The following HSPA12A variants were observed in gnomAD, a reference collection of about 807,000 sequenced individuals.
HSPA12A encodes the protein heat shock 70 kDa protein 12A.
Under a neutral mutation model 69.2 loss-of-function variants are expected in HSPA12A, and 28 were observed. The observed-to-expected ratio is 0.40, with a 90% CI of 0.30 to 0.55. The LOEUF is 0.55. Among genes scored for constraint, HSPA12A ranks in the 20% least tolerant of loss-of-function variants. HSPA12A has a pLI of 0.38. For synonymous variants in HSPA12A, 345 were observed against 370.5 expected, an observed-to-expected ratio of 0.93 and a Z score of 0.79; for missense variants, 686 against 900.7, an observed-to-expected ratio of 0.76 and a Z score of 3.05.
chr10:116,695,875 C>T (rs1435468851), intron 5 of HSPA12A, among the ~76,000 whole-genome samples: 2 of 151,024 alleles, frequency 1.3e-5, no homozygotes, highest in African/African-American at 4.9e-5. Flanking sequence ...TGGTGGCACA[C>T]ACCTGTAGTC....
chr10:116,797,810 G>C (rs7904582), intron 2 of HSPA12A, among the ~76,000 whole-genome samples: 1 of 152,084 alleles, frequency 6.6e-6, no homozygotes, highest in African/African-American at 2.4e-5. Context: ...CAGTGCAACA[G>C]GAACACACAG....
chr10:116,844,567 G>A (rs1845849618), intron 1 of HSPA12A, among the ~76,000 whole-genome samples: 2 of 152,158 alleles, frequency 1.3e-5, no homozygotes, highest in African/African-American at 4.8e-5. Flanking sequence ...TATGCGTGAT[G>A]ACTGAGTGAA....
chr10:116,685,962 C>T (rs184241256), intron 6 of HSPA12A, among the ~76,000 whole-genome samples: 3 of 152,324 alleles, frequency 2.0e-5, no homozygotes, highest in South Asian at 2.1e-4. Context: ...CCCTCAGCTA[C>T]GGCCAACCAC....
chr10:116,708,633 C>A (rs1290932089), intron 1 of HSPA12A, among the ~76,000 whole-genome samples: 8 of 152,336 alleles, frequency 5.3e-5, no homozygotes, highest in Middle Eastern at 3.4e-3. Flanking sequence ...AGCTCACAGC[C>A]TCTCTCCGCC....
intron 4 of HSPA12A, 58 bp from the exon 5 acceptor site, chr10:116,698,797 G>C: frequency 7.3e-7 from 1 of 1,379,168 alleles, no homozygotes; most frequent in South Asian, 1.2e-5. Context: ...CATGTCTCCT[G>C]GCTTTGGGGA....
intron 2 of HSPA12A, among the ~76,000 whole-genome samples, chr10:116,817,984 C>T (rs1686383760): frequency 1.3e-5 from 2 of 152,192 alleles, no homozygotes; most frequent in African/African-American, 4.8e-5. Flanking sequence ...ACTCTCCCCT[C>T]CAGCTTCCTC....
chr10:116,742,651 G>A (rs1464447061), upstream of HSPA12A: 24 of 982,616 alleles, frequency 2.4e-5, no homozygotes, highest in Non-Finnish European at 2.9e-5. Flanking sequence ...CGGCCCGCCC[G>A]GCGCCCCGCC....
chr10:116,719,163 A>G (rs1451867403), intron 1 of HSPA12A, among the ~76,000 whole-genome samples: 3 of 152,176 alleles, frequency 2.0e-5, no homozygotes, highest in African/African-American at 7.2e-5. Context: ...CCCTCCTGAT[A>G]ACTTGGGGTA....
At position 116,707,151 on chromosome 10, in the gene HSPA12A, G is replaced by GCACACACA. The variant is rs1491417541; in HGVS notation, c.126+48_126+49insTGTGTGTG. On this transcript the variant is annotated intron_variant, in intron 2 of 11. Transcript: ENST00000369209. ...CACGTGTGCTCATGCGCACCCATGC[G>GCACACACA]CGCACACACACACACACACACACAC... 6.3e-5 allele frequency: 64 copies of GCACACACA among 1,018,800 alleles called. 1 individual carries two copies. The highest frequency in any genetic ancestry group is 5.0e-4 in the East Asian group (11 of 22,212). The allele number at this position is 1,018,800 out of a possible 1,614,324, so 63.1% of individuals were successfully genotyped here. A position where few individuals can be genotyped will look rare whatever the true frequency, so the allele number is the denominator to read the frequency against.
At position 116,710,583 on chromosome 10, in the gene HSPA12A, A is replaced by C. The variant is rs770610419; in HGVS notation, c.41-3298T>G. 2.2e-4 allele frequency among the ~76,000 whole-genome samples: 33 copies of C among 152,158 alleles called. No individual in the cohort carries two copies. Among genetic ancestry groups the C allele is most frequent in the Non-Finnish European group, 2.6e-4 (18 of 68,032 alleles). On this transcript the variant is annotated intron_variant, in intron 1 of 11. Transcript: ENST00000369209. The surrounding 1 kb of genome is among the most constrained non-coding windows in gnomAD (Gnocchi z 4.1). ...CAACTGGGCCAATATTAAACAAATCATTTGACTTGCTGATCACTCAGCCAG... is the reference window on the plus strand; with the variant it reads ...CAACTGGGCCAATATTAAACAAATCCTTTGACTTGCTGATCACTCAGCCAG...
upstream of HSPA12A, among the ~76,000 whole-genome samples, chr10:116,747,132 A>T (rs1256246375): frequency 6.6e-6 from 1 of 152,170 alleles, no homozygotes; most frequent in Non-Finnish European, 1.5e-5. Flanking sequence ...TCCCCACCTC[A>T]CTGGTCTTCC....
intron 1 of HSPA12A, among the ~76,000 whole-genome samples, chr10:116,721,846 G>A (rs1850791592): frequency 6.6e-6 from 1 of 152,214 alleles, no homozygotes; most frequent in Admixed American, 6.5e-5. Context: ...CATCATCATG[G>A]CTGCTCACCC....
intron 2 of HSPA12A, among the ~76,000 whole-genome samples, chr10:116,776,117 G>C (rs1452895948): frequency 6.6e-6 from 1 of 152,186 alleles, no homozygotes; most frequent in African/African-American, 2.4e-5. Flanking sequence ...CACTGCTCCT[G>C]GTTCCCAGGT....
At chr10:116,702,987 T>C (rs1275347007) in intron 3 of HSPA12A, among the ~76,000 whole-genome samples, 1 of 152,210 alleles carries the variant, frequency 6.6e-6, no homozygotes, top group African/African-American at 2.4e-5. Flanking sequence ...TCTGTGGAAA[T>C]AACATTTCTT....
intron 2 of HSPA12A, among the ~76,000 whole-genome samples, chr10:116,760,069 C>A (rs1394832779): frequency 6.6e-6 from 1 of 152,170 alleles, no homozygotes; most frequent in Non-Finnish European, 1.5e-5. Context: ...CAGACTAATA[C>A]AGTGCTTACC....
At chr10:116,849,916 G>A, upstream of HSPA12A, 1 of 752,422 alleles carries the variant, frequency 1.3e-6, no homozygotes, top group Non-Finnish European at 2.3e-6. Context: ...GGGGTGAAGG[G>A]ATCTCCCCAG....
chr10:116,767,373 C>T (rs187117716), intron 2 of HSPA12A, among the ~76,000 whole-genome samples: 13 of 152,256 alleles, frequency 8.5e-5, no homozygotes, highest in Admixed American at 3.9e-4. Context: ...CCACCAGTGA[C>T]GGTGCAGACA....
At chr10:116,782,418 C>T (rs904870874) in intron 2 of HSPA12A, among the ~76,000 whole-genome samples, 17 of 152,300 alleles carry the variant, frequency 1.1e-4, no homozygotes, top group Admixed American at 8.5e-4. Context: ...GATAGCAGCG[C>T]TTTTTGTAAC....
At chr10:116,711,871 T>C (rs1406932255) in intron 1 of HSPA12A, among the ~76,000 whole-genome samples, 1 of 151,794 alleles carries the variant, frequency 6.6e-6, no homozygotes, top group African/African-American at 2.4e-5. Flanking sequence ...TTATTTTTAG[T>C]AGAGACAGGA....
Sources: allele counts gnomAD v4.1 joint callset (sites outside exome capture counted in the v4.1 genomes callset), GRCh38; gene constraint gnomAD v4.1.1; non-coding constraint Gnocchi (gnomAD v3.1); transcripts MANE v1.5; gene names NCBI Gene and HGNC (gene_info 2026-07-23, HGNC 2026-07-21).